The following ABCC5 variants were observed in gnomAD, a reference collection of about 807,000 sequenced individuals.
ABCC5 encodes the protein ATP-binding cassette sub-family C member 5.
In ABCC5, 61 loss-of-function variants were observed where a neutral mutation model predicts 160.9. The ratio of observed to expected loss-of-function variants is 0.38; its 90% CI spans 0.31 to 0.47. The LOEUF is 0.47. Ranked by LOEUF, ABCC5 falls within the 20% of genes least tolerant of loss-of-function variation. ABCC5 has a pLI of 0.99. For missense variants in ABCC5, 1,308 were observed against 1,813.3 expected, an observed-to-expected ratio of 0.72 and a Z score of 5.06; for synonymous variants, 666 against 700.6, an observed-to-expected ratio of 0.95 and a Z score of 0.78.
At chr3:183,946,509 ACT>A (rs1714864004) in intron 23 of ABCC5, among the ~76,000 whole-genome samples, 2 of 152,166 alleles carry the variant, frequency 1.3e-5, no homozygotes, top group Non-Finnish European at 2.9e-5. Context: ...GGTTCCTTTG[ACT>A]ATTTATTTTT....
intron 2 of ABCC5, among the ~76,000 whole-genome samples, chr3:184,006,989 T>C (rs989871018): frequency 6.7e-6 from 1 of 150,188 alleles, no homozygotes; most frequent in South Asian, 2.1e-4. Flanking sequence ...CCAGTAATAA[T>C]GGTACATGAA....
chr3:183,987,230 C>T lies in ABCC5; in HGVS notation c.591+540G>A, dbSNP rs541695216. 6 of 196,028 alleles carry T rather than the reference C, an allele frequency of 3.1e-5. 1 individual carries two copies. Among genetic ancestry groups the T allele is most frequent in the African/African-American group, 1.2e-4 (5 of 43,130 alleles). The allele number at this position is 196,028 out of a possible 1,614,324, so 12.1% of individuals were successfully genotyped here. On this transcript the variant is annotated intron_variant, in intron 5 of 29. Coordinates refer to ENST00000334444, the MANE Select transcript of ABCC5 (RefSeq NM_005688.4). This position sits in a 1 kb window ranked among gnomAD's most constrained non-coding sequence, Gnocchi z 4.2. ...CATCAGTACAGACTGGGGAAAACCA[C>T]GGCTGCCACCCCAACACTTGCCACA... is the stretch of plus-strand genomic sequence containing the variant.
chr3:183,995,130 T>C (rs959368292), intron 2 of ABCC5, among the ~76,000 whole-genome samples: 17 of 152,106 alleles, frequency 1.1e-4, no homozygotes, highest in African/African-American at 4.1e-4. Context: ...ACAGCTTATT[T>C]TCTAAGTGAA....
At chr3:183,957,693 T>A (rs1278246635) in intron 17 of ABCC5, among the ~76,000 whole-genome samples, 1 of 151,790 alleles carries the variant, frequency 6.6e-6, no homozygotes, top group African/African-American at 2.4e-5. Context: ...GATCCGTGTG[T>A]ATATCACATC....
At chr3:183,994,191 G>C (rs1720043770) in intron 2 of ABCC5, among the ~76,000 whole-genome samples, 1 of 151,846 alleles carries the variant, frequency 6.6e-6, no homozygotes, top group Admixed American at 6.6e-5. Flanking sequence ...CTGACTTCAA[G>C]TGGAGATCTC....
intron 26 of ABCC5, among the ~76,000 whole-genome samples, chr3:183,933,379 C>T (rs1165427704): frequency 2.0e-5 from 3 of 151,944 alleles, no homozygotes; most frequent in Non-Finnish European, 4.4e-5. Context: ...TAGCCAGGCT[C>T]CAGACAGTCC....
intron 28 of ABCC5, among the ~76,000 whole-genome samples, chr3:183,926,864 G>A (rs1712621077): frequency 6.6e-6 from 1 of 151,922 alleles, no homozygotes; most frequent in Non-Finnish European, 1.5e-5. Flanking sequence ...GGCCAACATG[G>A]TGAAACCCCA....
In ABCC5 at chr3:183,952,122, C is replaced by G. The variant is rs1240651816; in HGVS notation, c.2668-119G>C. ...ACAGGATAATGACCCACCCTGGGAC[C>G]TGGTCATGGCTTTGTCCACCTCTTT... On this transcript the variant is annotated intron_variant, in intron 18 of 29. Coordinates refer to ENST00000334444, the MANE Select transcript of ABCC5 (RefSeq NM_005688.4). 4.4e-6 allele frequency: 4 copies of G among 903,396 alleles called. No homozygotes were observed. The East Asian group carries it at 1.0e-4, about 23-fold the overall frequency. 56.0% of individuals were successfully genotyped at this position (903,396 alleles called of 1,614,324 possible).
rs1715158415 is a variant in ABCC5, at chr3:183,949,609, CAGAG to C, written c.3227+140_3227+143del. The C allele has an allele frequency of 9.1e-7, 1 of 1,097,846 alleles. No individual in the cohort carries two copies. Among genetic ancestry groups the C allele is most frequent in the South Asian group, 2.0e-5 (1 of 49,332 alleles). 68.0% of individuals were successfully genotyped at this position (1,097,846 alleles called of 1,614,324 possible). On this transcript the variant is annotated intron_variant, in intron 22 of 29. Transcript: ENST00000334444. The surrounding 1 kb of genome is among the most constrained non-coding windows in gnomAD (Gnocchi z 4.2). Reference sequence around the variant, plus strand: ...TCCCGCCAAGCAATTGGATTTTAATCAGAGATTATTCCATTAAATCATGAATACC... The same window carrying C: ...TCCCGCCAAGCAATTGGATTTTAATCATTATTCCATTAAATCATGAATACC...
At chr3:184,009,936 G>A (rs1292749017) in intron 2 of ABCC5, 1 of 428,142 alleles carries the variant, frequency 2.3e-6, no homozygotes, top group Non-Finnish European at 4.7e-6. Flanking sequence ...CTTGCTTGAA[G>A]CTGGGAGTTC....
At position 183,945,834 on chromosome 3, in the gene ABCC5, C is replaced by T. The variant is rs376694775; in HGVS notation, c.3504+16G>A. ...AGAGGAGTCAGATCACGGTAAAAGG[C>T]CTACAGCAGTCTGACCTTAATGTAG... On this transcript the variant is annotated intron_variant, in intron 24 of 29. Coordinates refer to ENST00000334444, the MANE Select transcript of ABCC5 (RefSeq NM_005688.4). 30 of 1,609,338 alleles carry T rather than the reference C, an allele frequency of 1.9e-5. No homozygotes were observed. In the East Asian group the frequency reaches 5.4e-4, roughly 29 times the overall value.
rs1327695273 is a variant in ABCC5 at position 183,982,417 on chromosome 3, A to G, written c.999+34T>C. Reference sequence around the variant, plus strand: ...TGGAAGTAACTCATCTCCTAAGGAGAAGCTGCCAGGATTCAGCTGGGAGGC... The same window carrying G: ...TGGAAGTAACTCATCTCCTAAGGAGGAGCTGCCAGGATTCAGCTGGGAGGC... On this transcript the variant is annotated intron_variant, in intron 7 of 29. Coordinates refer to ENST00000334444, the MANE Select transcript of ABCC5 (RefSeq NM_005688.4). This position sits in a 1 kb window ranked among gnomAD's most constrained non-coding sequence, Gnocchi z 5.2. 5.6e-6 allele frequency: 9 copies of G among 1,603,410 alleles called. No individual in the cohort carries two copies. The highest frequency in any genetic ancestry group is 8.5e-7 in the Non-Finnish European group (1 of 1,174,226).
In ABCC5 at chr3:183,976,218, T is replaced by C. The variant is rs575193752; in HGVS notation, c.1404+1299A>G. Reference sequence around the variant, plus strand: ...TCTTCCCTCCCTCCCTTCCTTTTTCTTTCTTCTCTTTTTGTAAGAAACAAA... The same window carrying C: ...TCTTCCCTCCCTCCCTTCCTTTTTCCTTCTTCTCTTTTTGTAAGAAACAAA... On this transcript the variant is annotated intron_variant, in intron 10 of 29. Coordinates refer to ENST00000334444, the MANE Select transcript of ABCC5 (RefSeq NM_005688.4). Among the ~76,000 whole-genome samples the C allele has an allele frequency of 3.3e-5, 5 of 152,116 alleles. No individual in the cohort carries two copies. In the East Asian group the frequency reaches 9.7e-4, roughly 29 times the overall value.
intron 10 of ABCC5, among the ~76,000 whole-genome samples, chr3:183,972,312 G>A (rs985703626): frequency 1.3e-5 from 2 of 152,160 alleles, no homozygotes; most frequent in Non-Finnish European, 2.9e-5. Context: ...TGCTCACTAC[G>A]TGTTTTCCTT....
chr3:183,957,362 G>A (rs1468140284), intron 17 of ABCC5, among the ~76,000 whole-genome samples: 9 of 113,292 alleles, frequency 7.9e-5, no homozygotes, highest in East Asian at 3.8e-4. Flanking sequence ...GGTTACATGC[G>A]GGTCCGTGTG....
intron 11 of ABCC5, among the ~76,000 whole-genome samples, chr3:183,969,585 G>A (rs1409519612): frequency 1.3e-5 from 2 of 151,834 alleles, no homozygotes; most frequent in Non-Finnish European, 2.9e-5. Context: ...CCAGCTACTC[G>A]GGAGGCTGAG....
rs1482796384 is a variant in ABCC5, at chr3:183,989,162, A to G, written c.287+64T>C. 1.5e-5 allele frequency: 8 copies of G among 543,028 alleles called. 1 individual carries two copies. The African/African-American group carries it at 2.0e-4, about 14-fold the overall frequency. The allele number at this position is 543,028 out of a possible 1,614,324, so 33.6% of individuals were successfully genotyped here. On this transcript the variant is annotated intron_variant, in intron 3 of 29. Transcript: ENST00000334444. Reference sequence around the variant, plus strand: ...GACAGAGCAAGACTCCATCTCAAAAAAAAAAAAAAAAAAAAAAAAAGGCCT... The same window carrying G: ...GACAGAGCAAGACTCCATCTCAAAAGAAAAAAAAAAAAAAAAAAAAGGCCT...
intron 2 of ABCC5, among the ~76,000 whole-genome samples, chr3:183,995,984 T>A (rs939150873): frequency 6.6e-6 from 1 of 152,122 alleles, no homozygotes; most frequent in African/African-American, 2.4e-5. Context: ...ATTTTTTGTA[T>A]TTTTAGTAGA....
chr3:183,947,241 G>T, intron 23 of ABCC5, 83 bp downstream of exon 23: 1 of 1,370,720 alleles, frequency 7.3e-7, no homozygotes, highest in Non-Finnish European at 9.7e-7. Flanking sequence ...TCAGGGTGGA[G>T]CCCCCCACAA....
Sources: allele counts gnomAD v4.1 joint callset (sites outside exome capture counted in the v4.1 genomes callset), GRCh38; gene constraint gnomAD v4.1.1; non-coding constraint Gnocchi (gnomAD v3.1); transcripts MANE v1.5; gene names NCBI Gene and HGNC (gene_info 2026-07-23, HGNC 2026-07-21).